The following LPAR6 variants were observed in gnomAD, a reference collection of about 807,000 sequenced individuals.
LPAR6 encodes the protein G-protein coupled purinergic receptor P2Y5.
In LPAR6, 17 loss-of-function variants were observed where a neutral mutation model predicts 22.0. The ratio of observed to expected loss-of-function variants is 0.77; its 90% CI spans 0.53 to 1.16. The LOEUF (loss-of-function observed/expected upper bound fraction) is 1.16, where lower values mean the gene tolerates loss of function less well. LPAR6 is among the 50% of genes most tolerant of loss of function. The probability of loss-of-function intolerance (pLI) is 0.00; values close to 1 mark genes in which losing one functional copy is unlikely to be tolerated. For missense variants in LPAR6, 384 were observed against 406.9 expected, an observed-to-expected ratio of 0.94 and a Z score of 0.48; for synonymous variants, 136 against 139.8, an observed-to-expected ratio of 0.97 and a Z score of 0.19.
exon 2 of LPAR6, chr13:48,389,595 T>C (rs1948596234): frequency 6.6e-6 from 1 of 152,200 alleles, no homozygotes; most frequent in South Asian, 2.1e-4. Flanking sequence ...TATTTTATTT[T>C]GCTTATGATT....
Position 48,411,582 on chromosome 13 carries a change from A to T in LPAR6, c.842T>A (p.Val281Asp). ...TATAGGGTCAAAACAACAGTTGGAA[A>T]CAGCAATACAGAGAGTGATTGGGTA... ...TMYPITLCIA[V>D]SNCCFDPIVY... The change falls in exon 1 of 1, where the codon GTT becomes GAT. Residue 281 changes from valine (V) to aspartate (D), a missense_variant. By Grantham distance (152) the Val-to-Asp change is radical. Transcript: ENST00000620633. 6.2e-7 allele frequency: 1 copy of T among 1,613,472 alleles called. No homozygotes were observed. Among genetic ancestry groups the T allele is most frequent in the Non-Finnish European group, 8.5e-7 (1 of 1,179,554 alleles).
chr13:48,392,720 C>G (rs1212505548), intron 1 of LPAR6, among the ~76,000 whole-genome samples: 1 of 148,784 alleles, frequency 6.7e-6, no homozygotes, highest in Non-Finnish European at 1.5e-5. Context: ...GTACCTATGT[C>G]TTTTTAGGTC....
At chr13:48,437,853 A>G (rs1949199856) in intron 1 of LPAR6, among the ~76,000 whole-genome samples, 1 of 152,212 alleles carries the variant, frequency 6.6e-6, no homozygotes, top group Non-Finnish European at 1.5e-5. Flanking sequence ...CTGCACAAGG[A>G]TATAAATACC....
intron 1 of LPAR6, among the ~76,000 whole-genome samples, chr13:48,397,642 T>TA (rs1259193663): frequency 3.3e-5 from 5 of 152,076 alleles, no homozygotes; most frequent in East Asian, 1.9e-4. Flanking sequence ...TAAAGTATAA[T>TA]AAAAAAACAG....
upstream of LPAR6, among the ~76,000 whole-genome samples, chr13:48,429,818 A>G: frequency 6.6e-6 from 1 of 152,206 alleles, no homozygotes; most frequent in East Asian, 1.9e-4. Context: ...CAGCAATAAC[A>G]AATAGTACAA....
In LPAR6 at chr13:48,426,010, A is replaced by G. The variant is rs1964182; in HGVS notation, c.-1095+849T>C. Among the ~76,000 whole-genome samples the G allele has an allele frequency of 1.6e-3, 249 of 152,326 alleles. 2 individuals carry two copies. Among genetic ancestry groups the G allele is most frequent in the East Asian group, 0.012 (62 of 5,186 alleles). ...AACCCAGTTCCTTATACATGTTTGT[A>G]TAATGAAAGAATACAACTTAGTGAG... On this transcript the variant is annotated intron_variant, in intron 1 of 4. Coordinates refer to the LPAR6 transcript ENST00000345941.
At chr13:48,413,172 G>A (rs1948847622), upstream of LPAR6, 1 of 167,146 alleles carries the variant, frequency 6.0e-6, no homozygotes, top group Non-Finnish European at 1.5e-5. Flanking sequence ...AGAAGAGGCT[G>A]GGTTTGGACA....
Position 48,432,925 on chromosome 13 carries a change from C to T in LPAR6, c.-1473-8806G>A, listed in dbSNP as rs1374240324. Among the ~76,000 whole-genome samples the T allele has an allele frequency of 2.0e-5, 3 of 152,220 alleles. No individual in the cohort carries two copies. In the East Asian group the frequency reaches 5.8e-4, roughly 29 times the overall value. Reference sequence around the variant, plus strand: ...GTTTATGATTTTCCAGATTTAATTTCAGTCTTTGCTATTATGCTTATATAG... The same window carrying T: ...GTTTATGATTTTCCAGATTTAATTTTAGTCTTTGCTATTATGCTTATATAG... On this transcript the variant is annotated intron_variant, in intron 1 of 6. Coordinates refer to the LPAR6 transcript ENST00000378434.
chr13:48,391,639 G>A (rs1456955106), intron 1 of LPAR6: 1 of 151,714 alleles, frequency 6.6e-6, no homozygotes, highest in Non-Finnish European at 1.5e-5. Context: ...TTCTTTTTGA[G>A]ATGGAGTCTC....
chr13:48,430,765 CA>C (rs58163880), upstream of LPAR6, among the ~76,000 whole-genome samples: 128,293 of 150,012 alleles, frequency 0.86, 56,808 homozygotes, highest in Non-Finnish European at 0.97. Flanking sequence ...AACAAACAAA[CA>C]AAAAAAAAAA....
chr13:48,437,746 T>G (rs1949198908), intron 1 of LPAR6, among the ~76,000 whole-genome samples: 1 of 152,208 alleles, frequency 6.6e-6, no homozygotes, highest in African/African-American at 2.4e-5. Flanking sequence ...AGATGGAAAC[T>G]GCAGATTTTT....
chr13:48,405,303 A>C (rs1948729838), intron 1 of LPAR6, among the ~76,000 whole-genome samples: 1 of 152,236 alleles, frequency 6.6e-6, no homozygotes, highest in Admixed American at 6.5e-5. Flanking sequence ...TTTAAAGTTG[A>C]TAAATCAAGT....
upstream of LPAR6, chr13:48,413,121 A>G (rs1948846649): frequency 1.2e-5 from 2 of 167,110 alleles, no homozygotes; most frequent in Non-Finnish European, 2.9e-5. Flanking sequence ...TCTGAAGTGA[A>G]AAAGAAAGGC....
At chr13:48,432,438 T>G (rs573044490) in intron 1 of LPAR6, among the ~76,000 whole-genome samples, 14 of 152,036 alleles carry the variant, frequency 9.2e-5, no homozygotes, top group East Asian at 3.9e-4. Flanking sequence ...TTTTTTTTTT[T>G]GGGCTACTTG....
intron 1 of LPAR6, among the ~76,000 whole-genome samples, chr13:48,394,862 G>A (rs897440000): frequency 6.6e-5 from 10 of 152,240 alleles, no homozygotes; most frequent in Non-Finnish European, 1.3e-4. Context: ...TCTGAAGAGA[G>A]CAGCAGATCT....
chr13:48,419,337 A>T (rs545450163), intron 2 of LPAR6, among the ~76,000 whole-genome samples: 1 of 152,210 alleles, frequency 6.6e-6, no homozygotes, highest in Admixed American at 6.5e-5. Context: ...TTTGAAACCA[A>T]TGAGAACCAA....
chr13:48,395,538 A>T (rs972459097), intron 1 of LPAR6, among the ~76,000 whole-genome samples: 5 of 152,088 alleles, frequency 3.3e-5, no homozygotes, highest in Non-Finnish European at 7.4e-5. Context: ...AACATAAATG[A>T]CCTGACGGAA....
chr13:48,440,289 T>G (rs923030290), intron 1 of LPAR6, among the ~76,000 whole-genome samples: 1 of 152,194 alleles, frequency 6.6e-6, no homozygotes, highest in African/African-American at 2.4e-5. Context: ...TATTAACTAT[T>G]TTTCCTGAGA....
Position 48,419,850 on chromosome 13 carries a change from T to C in LPAR6, c.-953-2530A>G, listed in dbSNP as rs909866057. ...AAGAGTAAACCAGGAAGAAGTCGAA[T>C]CCCTGAATAGACCAATAACAAGTTC... On this transcript the variant is annotated intron_variant, in intron 2 of 4. Transcript: ENST00000345941. Among the ~76,000 whole-genome samples, 33 of 152,142 alleles carry C rather than the reference T, an allele frequency of 2.2e-4. 1 individual carries two copies. Among genetic ancestry groups the C allele is most frequent in the Admixed American group, 2.0e-3 (31 of 15,272 alleles).
Sources: gnomAD v4.1 joint callset for allele counts (sites outside exome capture counted in the v4.1 genomes callset) on GRCh38, gnomAD v4.1.1 for gene constraint, MANE v1.5 for transcripts, NCBI Gene and HGNC (gene_info 2026-07-23, HGNC 2026-07-21) for gene names.